GPHN: variants seen among roughly 807,000 people sequenced by gnomAD.
The protein encoded by GPHN is gephyrin.
GPHN carries 17 observed loss-of-function variants against 95.5 expected under a neutral mutation model. The observed-to-expected ratio is 0.18, with a 90% CI of 0.12 to 0.27. The LOEUF (loss-of-function observed/expected upper bound fraction) is 0.27. Ranked by LOEUF, GPHN falls within the 10% of genes least tolerant of loss-of-function variation. The pLI is 1.00. For missense variants in GPHN, 660 were observed against 978.1 expected, an observed-to-expected ratio of 0.67 and a Z score of 4.34; for synonymous variants, 320 against 322.5, an observed-to-expected ratio of 0.99 and a Z score of 0.08.
chr14:66,805,876 A>C (rs1228575860), intron 3 of GPHN, among the ~76,000 whole-genome samples: 1 of 152,038 alleles, frequency 6.6e-6, no homozygotes, highest in African/African-American at 2.4e-5. Context: ...ATTTCATTGG[A>C]TCTATCATTC....
the GPHN span, among the ~76,000 whole-genome samples, chr14:67,657,835 G>A: frequency 6.7e-6 from 1 of 148,366 alleles, no homozygotes; most frequent in Non-Finnish European, 1.5e-5. Context: ...TGCAGCCTCT[G>A]CCTCCCGGGC....
At chr14:67,204,675 A>G in the GPHN span, 38 of 1,613,924 alleles carry the variant, frequency 2.4e-5, no homozygotes, top group Non-Finnish European at 3.1e-5. Flanking sequence ...TGTTTTCTCA[A>G]TGGGTGGCCC....
chr14:67,354,956 G>A, the GPHN span, among the ~76,000 whole-genome samples: 1 of 152,126 alleles, frequency 6.6e-6, no homozygotes, highest in East Asian at 1.9e-4. Context: ...TGGGATTACA[G>A]GCATGCGTCA....
chr14:67,356,665 T>C, the GPHN span, among the ~76,000 whole-genome samples: 1 of 152,184 alleles, frequency 6.6e-6, no homozygotes, highest in African/African-American at 2.4e-5. Flanking sequence ...TTGATTCCAC[T>C]GACTTTCCCA....
the GPHN span, among the ~76,000 whole-genome samples, chr14:67,193,453 A>G: frequency 1.4e-5 from 2 of 142,786 alleles, no homozygotes; most frequent in South Asian, 2.2e-4. Context: ...ACAGATCTCT[A>G]TATATCTAGA....
At chr14:66,624,215 A>G (rs1174007908) in intron 1 of GPHN, among the ~76,000 whole-genome samples, 1 of 152,220 alleles carries the variant, frequency 6.6e-6, no homozygotes, top group Non-Finnish European at 1.5e-5. Flanking sequence ...AGTACAGTTC[A>G]TTAATATGGC....
At chr14:67,197,513 T>C in the GPHN span, among the ~76,000 whole-genome samples, 2 of 152,148 alleles carry the variant, frequency 1.3e-5, no homozygotes, top group African/African-American at 4.8e-5. Flanking sequence ...AGACTTAATA[T>C]ACTGAAGATG....
chr14:67,566,439 G>A, the GPHN span, among the ~76,000 whole-genome samples: 2 of 152,214 alleles, frequency 1.3e-5, no homozygotes, highest in Admixed American at 1.3e-4. Context: ...GCCATTCACT[G>A]TGATAGCTTA....
the GPHN span, chr14:67,589,698 G>T: frequency 1.0e-6 from 1 of 996,322 alleles, no homozygotes; most frequent in Non-Finnish European, 1.2e-6. Context: ...GGGTACTATT[G>T]GAAAATATAG....
intron 3 of GPHN, among the ~76,000 whole-genome samples, chr14:66,787,261 G>T (rs1308229989): frequency 2.0e-5 from 3 of 152,010 alleles, no homozygotes; most frequent in Non-Finnish European, 4.4e-5. Flanking sequence ...TTGTTCAAAA[G>T]AAAATAAAAT....
intron 1 of GPHN, among the ~76,000 whole-genome samples, chr14:66,625,618 C>T (rs1033000136): frequency 6.6e-6 from 1 of 152,008 alleles, no homozygotes; most frequent in African/African-American, 2.4e-5. Flanking sequence ...TTTTAAATTC[C>T]AAGAATTCTT....
the GPHN span, among the ~76,000 whole-genome samples, chr14:67,704,248 A>G: frequency 3.3e-5 from 5 of 152,178 alleles, no homozygotes; most frequent in Non-Finnish European, 7.3e-5. Context: ...ACGGGGGTAG[A>G]AGGAGGAGGA....
chr14:67,505,722 T>TG, the GPHN span, among the ~76,000 whole-genome samples: 3 of 151,966 alleles, frequency 2.0e-5, no homozygotes, highest in African/African-American at 4.8e-5. Flanking sequence ...TTTTTTTTTT[T>TG]TTTAAACAGA....
the GPHN span, among the ~76,000 whole-genome samples, chr14:67,551,026 C>T: frequency 6.6e-6 from 1 of 152,202 alleles, no homozygotes; most frequent in South Asian, 2.1e-4. Context: ...AAATATCCTA[C>T]ATGTATATAC....
the GPHN span, chr14:67,593,849 G>C: frequency 6.2e-6 from 10 of 1,612,034 alleles, no homozygotes; most frequent in Non-Finnish European, 8.5e-6. Context: ...AATGCCAAGG[G>C]AATCAATGAT....
the GPHN span, among the ~76,000 whole-genome samples, chr14:67,437,805 C>T: frequency 1.7e-3 from 262 of 152,080 alleles, 1 homozygote; most frequent in African/African-American, 5.4e-3. Context: ...CCATTTACCA[C>T]GGTGGAGGAG....
chr14:66,610,314 G>A (rs528310831), intron 1 of GPHN, among the ~76,000 whole-genome samples: 2 of 152,166 alleles, frequency 1.3e-5, no homozygotes, highest in East Asian at 1.9e-4. Context: ...AGCAAGTTTA[G>A]AGCACCGCTG....
chr14:66,856,740 T>C (rs2062818489), intron 4 of GPHN, among the ~76,000 whole-genome samples: 1 of 152,058 alleles, frequency 6.6e-6, no homozygotes, highest in African/African-American at 2.4e-5. Context: ...TGATACAGCA[T>C]CAAGTTTTTT....
At chr14:67,704,085 T>C in the GPHN span, among the ~76,000 whole-genome samples, 3 of 152,256 alleles carry the variant, frequency 2.0e-5, no homozygotes, top group East Asian at 1.9e-4. Context: ...ATTTTCATTC[T>C]GCAGTTGTTT....
Sources: allele counts gnomAD v4.1 joint callset (sites outside exome capture counted in the v4.1 genomes callset), GRCh38; gene constraint gnomAD v4.1.1; transcripts MANE v1.5; gene names NCBI Gene and HGNC (gene_info 2026-07-23, HGNC 2026-07-21).